Variants in SNX29 observed in about 807,000 individuals in gnomAD.
The protein encoded by SNX29 is sorting nexin 29, also known as sorting nexin-29.
SNX29 carries 78 observed loss-of-function variants against 102.1 expected under a neutral mutation model. That is an observed-to-expected ratio of 0.76 (90% CI 0.64 to 0.92). SNX29 has a LOEUF of 0.92. Ranked by LOEUF, SNX29 falls within the 40% of genes least tolerant of loss-of-function variation. The probability of loss-of-function intolerance (pLI) is 0.00; values close to 1 mark genes in which losing one functional copy is unlikely to be tolerated. For missense variants in SNX29, 1,280 were observed against 1,061.7 expected, an observed-to-expected ratio of 1.21 and a Z score of -2.86; for synonymous variants, 580 against 414.5, an observed-to-expected ratio of 1.40 and a Z score of -4.85.
At chr16:12,563,734 A>G (rs962310214) in intron 20 of SNX29, among the ~76,000 whole-genome samples, 2 of 152,220 alleles carry the variant, frequency 1.3e-5, no homozygotes, top group Non-Finnish European at 2.9e-5. Flanking sequence ...TGGCACTGTC[A>G]TTCTTTACCC....
intron 15 of SNX29, among the ~76,000 whole-genome samples, chr16:12,345,876 A>T (rs1046135923): frequency 2.6e-4 from 40 of 151,674 alleles, no homozygotes; most frequent in Admixed American, 2.6e-3. Context: ...CCATTGAAGA[A>T]TTTTTTTTTA....
At chr16:12,182,040 C>A (rs976397921) in intron 13 of SNX29, among the ~76,000 whole-genome samples, 1 of 152,020 alleles carries the variant, frequency 6.6e-6, no homozygotes, top group African/African-American at 2.4e-5. Flanking sequence ...TGCGCCACCA[C>A]GCCTGGTTAA....
At chr16:12,002,870 G>A in intron 2 of SNX29, 121 bp from the exon 3 acceptor site, 1 of 1,058,838 alleles carries the variant, frequency 9.4e-7, no homozygotes, top group Non-Finnish European at 1.4e-6. Flanking sequence ...TCCTCACTTG[G>A]CATGCAGAGC....
chr16:12,014,469 A>G (rs1188225790), intron 3 of SNX29, among the ~76,000 whole-genome samples: 2 of 152,064 alleles, frequency 1.3e-5, no homozygotes, highest in Non-Finnish European at 2.9e-5. Context: ...GCGGTGGCTC[A>G]TGCTTGTAAT....
chr16:12,571,430 C>T lies in SNX29; in HGVS notation c.*2801C>T. The T allele has an allele frequency of 4.3e-6, 1 of 234,868 alleles. No individual in the cohort carries two copies. The highest frequency in any genetic ancestry group is 8.3e-6 in the Non-Finnish European group (1 of 120,134). 14.5% of individuals were successfully genotyped at this position (234,868 alleles called of 1,614,324 possible). ...TCACATCTGTCTTCTTCTAAGATTA[C>T]TCGGAGATTTTCAAACAACATCTGA... On this transcript the variant is annotated 3_prime_UTR_variant, in exon 21 of 21. Coordinates refer to ENST00000566228, the MANE Select transcript of SNX29 (RefSeq NM_032167.5).
chr16:12,391,333 G>A (rs1048871969), intron 16 of SNX29, among the ~76,000 whole-genome samples: 4 of 152,060 alleles, frequency 2.6e-5, no homozygotes, highest in Non-Finnish European at 5.9e-5. Flanking sequence ...ATTAACCATC[G>A]GGTACTCTTC....
intron 17 of SNX29, among the ~76,000 whole-genome samples, chr16:12,401,521 G>C (rs972908704): frequency 6.6e-6 from 1 of 151,680 alleles, no homozygotes; most frequent in African/African-American, 2.4e-5. Flanking sequence ...GTGCCACCAT[G>C]CCCAGCTAAT....
Position 12,521,213 on chromosome 16 carries a change from C to T in SNX29, c.2179-3489C>T, listed in dbSNP as rs551427082. Among the ~76,000 whole-genome samples, 4 of 152,142 alleles carry T rather than the reference C, an allele frequency of 2.6e-5. No homozygotes were observed. The East Asian group carries it at 5.8e-4, about 22-fold the overall frequency. On this transcript the variant is annotated intron_variant, in intron 19 of 20. Transcript: ENST00000566228. ...AAAAAACAAAAACAAATAAAACACTCGTTCATGTAACCAGAAATCACCTGT... is the reference window on the plus strand; with the variant it reads ...AAAAAACAAAAACAAATAAAACACTTGTTCATGTAACCAGAAATCACCTGT...
At chr16:12,276,303 G>T (rs951873044) in intron 14 of SNX29, among the ~76,000 whole-genome samples, 1 of 152,124 alleles carries the variant, frequency 6.6e-6, no homozygotes, top group African/African-American at 2.4e-5. Flanking sequence ...ACTGTTTGGG[G>T]TTATCTGTTG....
intron 13 of SNX29, among the ~76,000 whole-genome samples, chr16:12,147,071 C>T (rs920604371): frequency 6.6e-6 from 1 of 152,168 alleles, no homozygotes; most frequent in Non-Finnish European, 1.5e-5. Context: ...GTTTTGTTGA[C>T]GAACTCAACT....
chr16:12,222,642 C>T (rs1380007198), intron 14 of SNX29, among the ~76,000 whole-genome samples: 1 of 152,134 alleles, frequency 6.6e-6, no homozygotes, highest in Non-Finnish European at 1.5e-5. Flanking sequence ...AATCTTGGCT[C>T]CCTGCAACTT....
In SNX29 at chr16:12,568,595, C is replaced by A. The variant is rs777850254; in HGVS notation, c.2408C>A (p.Thr803Asn). 1 of 1,606,072 alleles carries A rather than the reference C, an allele frequency of 6.2e-7. No individual in the cohort carries two copies. The highest frequency in any genetic ancestry group is 8.5e-7 in the Non-Finnish European group (1 of 1,179,828). ...CTGTCCCGGGGTCAGCCCCGGGAGACCCGCAACGTGGAGCCCCAGAGCGGT... is the reference window on the plus strand; with the variant it reads ...CTGTCCCGGGGTCAGCCCCGGGAGAACCGCAACGTGGAGCCCCAGAGCGGT... ...PKLSRGQPRE[T>N]RNVEPQSGDL The change falls in exon 21 of 21, where the codon ACC becomes AAC. Residue 803 changes from threonine (T) to asparagine (N), a missense_variant. Physicochemically the swap from Thr to Asn is moderately conservative, Grantham distance 65. Coordinates refer to ENST00000566228, the MANE Select transcript of SNX29 (RefSeq NM_032167.5).
chr16:12,344,489 AG>A (rs2081722436), intron 15 of SNX29, among the ~76,000 whole-genome samples: 1 of 152,338 alleles, frequency 6.6e-6, no homozygotes, highest in South Asian at 2.1e-4. Flanking sequence ...TGTTTAAAAC[AG>A]GGTTTGGCAA....
intron 15 of SNX29, among the ~76,000 whole-genome samples, chr16:12,339,138 C>T (rs961305932): frequency 1.3e-5 from 2 of 152,062 alleles, no homozygotes; most frequent in Admixed American, 6.6e-5. Flanking sequence ...GAGGCTGAGG[C>T]AGGTGGATCA....
intron 20 of SNX29, among the ~76,000 whole-genome samples, chr16:12,539,940 C>T (rs762004187): frequency 2.6e-5 from 4 of 152,194 alleles, no homozygotes; most frequent in African/African-American, 9.6e-5. Context: ...ATGTTAGATG[C>T]AAGACCTTTG....
At position 12,569,043 on chromosome 16, in the gene SNX29, G is replaced by A. The variant is rs1043113965; in HGVS notation, c.*414G>A. 5 of 226,516 alleles carry A rather than the reference G, an allele frequency of 2.2e-5. No homozygotes were observed. The highest frequency in any genetic ancestry group is 1.1e-4 in the African/African-American group (5 of 43,664). The allele number at this position is 226,516 out of a possible 1,614,324, so 14.0% of individuals were successfully genotyped here. On this transcript the variant is annotated 3_prime_UTR_variant, in exon 21 of 21. Transcript: ENST00000566228. ...CCAGCCTCTCCACTCTTTCCCACGT[G>A]GGGACTAGAATGACTATTAGCCTCT...
intron 13 of SNX29, among the ~76,000 whole-genome samples, chr16:12,130,853 T>A (rs1464302607): frequency 6.6e-6 from 1 of 152,188 alleles, no homozygotes; most frequent in East Asian, 1.9e-4. Flanking sequence ...TAAGAGCTCC[T>A]GACATTTCCT....
intron 11 of SNX29, among the ~76,000 whole-genome samples, chr16:12,079,496 G>C (rs2051755177): frequency 6.7e-6 from 1 of 149,870 alleles, no homozygotes; most frequent in Non-Finnish European, 1.5e-5. Context: ...GAGGCAGAGG[G>C]GGCACTTGTT....
intron 1 of SNX29, among the ~76,000 whole-genome samples, chr16:11,986,706 T>A (rs893439808): frequency 2.0e-5 from 3 of 152,194 alleles, no homozygotes; most frequent in African/African-American, 7.2e-5. Flanking sequence ...TTTATGGTGT[T>A]CTAGGATAGG....
Sources: allele counts gnomAD v4.1 joint callset (sites outside exome capture counted in the v4.1 genomes callset), GRCh38; gene constraint gnomAD v4.1.1; transcripts MANE v1.5; gene names NCBI Gene and HGNC (gene_info 2026-07-23, HGNC 2026-07-21).